Variants in RNF19B observed in about 807,000 individuals in gnomAD.
RNF19B encodes E3 ubiquitin-protein ligase RNF19B.
RNF19B carries 23 observed loss-of-function variants against 65.5 expected under a neutral mutation model. That is an observed-to-expected ratio of 0.35 (90% CI 0.25 to 0.50). The LOEUF (loss-of-function observed/expected upper bound fraction) is 0.50, where lower values mean the gene tolerates loss of function less well. Among genes scored for constraint, RNF19B ranks in the 20% least tolerant of loss-of-function variants. RNF19B has a pLI of 0.98. For missense variants in RNF19B, 794 were observed against 980.0 expected (o/e 0.81, Z 2.53); for synonymous variants, 372 against 379.6 (o/e 0.98, Z 0.23).
chr1:32,932,043 A>G (rs535423663), downstream of RNF19B, among the ~76,000 whole-genome samples: 1 of 152,358 alleles, frequency 6.6e-6, no homozygotes, highest in East Asian at 1.9e-4. Context: ...AGGATTCAGT[A>G]ACTGCAGGAA....
At position 32,942,464 on chromosome 1, in the gene RNF19B, G is replaced by A. The variant is rs1289911795; in HGVS notation, c.1403-5C>T. 6.2e-7 allele frequency: 1 copy of A among 1,611,928 alleles called. No homozygotes were observed. Among genetic ancestry groups the A allele is most frequent in the Admixed American group, 1.7e-5 (1 of 59,934 alleles). On this transcript the variant is annotated splice_polypyrimidine_tract_variant and splice_region_variant and intron_variant, in intron 6 of 8. Transcript: ENST00000235150. ...GGGCTCTCCAGGCATCTGCCACTGG[G>A]GATAGAACCAAACATCCAATTCAAG...
At chr1:32,951,062 C>T (rs181881144) in intron 1 of RNF19B, among the ~76,000 whole-genome samples, 1 of 151,950 alleles carries the variant, frequency 6.6e-6, no homozygotes, top group East Asian at 1.9e-4. Context: ...TGGTCTCGAT[C>T]TCTTGACCTT....
chr1:32,950,599 A>T (rs1642470277), intron 1 of RNF19B, among the ~76,000 whole-genome samples: 1 of 151,636 alleles, frequency 6.6e-6, no homozygotes, highest in Non-Finnish European at 1.5e-5. Flanking sequence ...CCAGGGTGGA[A>T]TGCAGTGGCT....
intron 1 of RNF19B, among the ~76,000 whole-genome samples, chr1:32,953,700 C>A (rs532754235): frequency 1.3e-5 from 2 of 151,940 alleles, no homozygotes; most frequent in Non-Finnish European, 2.9e-5. Context: ...AGATAAACAA[C>A]GTGTCTCCTC....
At chr1:32,944,634 A>G (rs1391657003) in intron 5 of RNF19B, among the ~76,000 whole-genome samples, 2 of 152,126 alleles carry the variant, frequency 1.3e-5, no homozygotes, top group Admixed American at 6.5e-5. Flanking sequence ...CAGGATCTGA[A>G]GGCAGATTAA....
intron 2 of RNF19B, among the ~76,000 whole-genome samples, chr1:32,948,761 C>T (rs2124146828): frequency 6.6e-6 from 1 of 152,238 alleles, no homozygotes; most frequent in East Asian, 1.9e-4. Flanking sequence ...TTTTTAAAAA[C>T]TTTAGTTTGG....
chr1:32,964,588 A>G lies in RNF19B; in HGVS notation c.98T>C (p.Leu33Pro), dbSNP rs1642862138. 1.4e-6 allele frequency: 2 copies of G among 1,442,378 alleles called. No individual in the cohort carries two copies. The highest frequency in any genetic ancestry group is 1.3e-5 in the South Asian group (1 of 76,730). 89.3% of individuals were successfully genotyped at this position (1,442,378 alleles called of 1,614,324 possible). The stretch of plus-strand genomic sequence containing the variant: ...GGCAGAGAAGACGCTGTGCAAGGTG[A>G]GGCGCCGGCGCCGGCCGCCGCTGCG... ...KCRSGGRRRR[L>P]TLHSVFSASA... Residue 33 changes from leucine to proline, a missense_variant, in exon 1 of 9, where the codon CTC becomes CCC. Transcript: ENST00000235150. The surrounding 1 kb of genome is among the most constrained non-coding windows in gnomAD (Gnocchi z 6.5).
At chr1:32,963,733 A>G (rs1642827842) in intron 1 of RNF19B, among the ~76,000 whole-genome samples, 1 of 148,674 alleles carries the variant, frequency 6.7e-6, no homozygotes, top group African/African-American at 2.6e-5. Flanking sequence ...AAAAAAAGAA[A>G]AAAAAAAAAA....
chr1:32,953,329 C>T (rs1307387249), intron 1 of RNF19B, among the ~76,000 whole-genome samples: 1 of 152,008 alleles, frequency 6.6e-6, no homozygotes, highest in African/African-American at 2.4e-5. Flanking sequence ...TTGCCATCTG[C>T]ACTCTGTCCT....
Position 32,946,107 on chromosome 1 carries a change from C to A in RNF19B, c.1146+295G>T, listed in dbSNP as rs575341280. Among the ~76,000 whole-genome samples the A allele has an allele frequency of 2.6e-5, 4 of 152,290 alleles. No individual in the cohort carries two copies. The South Asian group carries it at 8.3e-4, about 32-fold the overall frequency. On this transcript the variant is annotated intron_variant, in intron 4 of 8. Transcript: ENST00000235150. Reference sequence around the variant, plus strand: ...TCTCAAACACCTGGGCTCAACTGATCTACCTGCCTTGGCTTCCCAAAGTGC... The same window carrying A: ...TCTCAAACACCTGGGCTCAACTGATATACCTGCCTTGGCTTCCCAAAGTGC...
At chr1:32,956,929 T>C (rs1391856273) in intron 1 of RNF19B, among the ~76,000 whole-genome samples, 2 of 152,138 alleles carry the variant, frequency 1.3e-5, no homozygotes, top group Non-Finnish European at 2.9e-5. Flanking sequence ...CAATGAACTG[T>C]ACCCTTAACA....
rs1435572124 is a variant in RNF19B, at chr1:32,936,685, T to C, written c.*121A>G. 4 of 1,003,108 alleles carry C rather than the reference T, an allele frequency of 4.0e-6. No individual in the cohort carries two copies. The highest frequency in any genetic ancestry group is 3.6e-5 in the Admixed American group (1 of 27,800). 62.1% of individuals were successfully genotyped at this position (1,003,108 alleles called of 1,614,324 possible). ...CTCAGAATTTCCCTGGGCAAAAACC[T>C]GTGACCAGAGAATCTGTGAAATAAA... is the stretch of plus-strand genomic sequence containing the variant. On this transcript the variant is annotated 3_prime_UTR_variant, in exon 9 of 9. Coordinates refer to ENST00000235150, the MANE Select transcript of RNF19B (RefSeq NM_001300826.2).
At position 32,942,449 on chromosome 1, in the gene RNF19B, G is replaced by T. The variant is rs371969355; in HGVS notation, c.1413C>A (p.Ala471=). The change falls in exon 7 of 9, where the codon GCC becomes GCA. Residue 471 remains alanine, a synonymous_variant. Transcript: ENST00000235150. ...TGCTGGGATTCTTGAGGGCTCTCCAGGCATCTGCCACTGGGGATAGAACCA... is the reference window on the plus strand; with the variant it reads ...TGCTGGGATTCTTGAGGGCTCTCCATGCATCTGCCACTGGGGATAGAACCA... ...EDDGPITVAD[A]WRALKNPSIG... is the part of the protein sequence containing the mutation. 2 of 1,613,738 alleles carry T rather than the reference G, an allele frequency of 1.2e-6. No individual in the cohort carries two copies. The highest frequency in any genetic ancestry group is 2.7e-5 in the African/African-American group (2 of 74,922).
intron 1 of RNF19B, among the ~76,000 whole-genome samples, chr1:32,950,129 C>T (rs932311390): frequency 1.3e-5 from 2 of 152,092 alleles, no homozygotes; most frequent in African/African-American, 2.4e-5. Context: ...GCCACCACGC[C>T]TGGCTAATTT....
intron 7 of RNF19B, 74 bp from the exon 8 acceptor site, chr1:32,938,602 C>T: frequency 1.4e-6 from 2 of 1,470,158 alleles, no homozygotes; most frequent in South Asian, 2.5e-5. Flanking sequence ...TGGCACACAT[C>T]TCTTCCATTA....
chr1:32,949,611 T>C lies in RNF19B; in HGVS notation c.799A>G (p.Lys267Glu), dbSNP rs1331387809. ...QRAQTLRVRT[K>E]HTSGLSYGQE... ...CCATAACTGAGACCTGAAGTGTGTT[T>C]GGTCCGAACTCGTAAAGTCTGGGCC... The change falls in exon 2 of 9, where the codon AAA becomes GAA. Residue 267 changes from lysine to glutamate, a missense_variant. Lys to Glu is a moderately conservative substitution (Grantham distance 56, BLOSUM62 1). Around this residue, in one of 3 missense-constraint regions of RNF19B, gnomAD observed 374 missense variants for 423.8 expected, o/e 0.88. Transcript: ENST00000235150. 6.2e-7 allele frequency: 1 copy of C among 1,613,920 alleles called. No homozygotes were observed. The highest frequency in any genetic ancestry group is 8.5e-7 in the Non-Finnish European group (1 of 1,180,028).
rs956750839 is a variant in RNF19B, at chr1:32,964,709, G to A, written c.-24C>T. On this transcript the variant is annotated 5_prime_UTR_variant, in exon 1 of 9. Coordinates refer to ENST00000235150, the MANE Select transcript of RNF19B (RefSeq NM_001300826.2). This position sits in a 1 kb window ranked among gnomAD's most constrained non-coding sequence, Gnocchi z 6.5. ...ATGGCCGGCAGAGGCCGAGGAGCCA[G>A]GGGCGCCCAGCGCCGCCACAGCTCC... 1 of 1,417,112 alleles carries A rather than the reference G, an allele frequency of 7.1e-7. No homozygotes were observed. Among genetic ancestry groups the A allele is most frequent in the South Asian group, 1.4e-5 (1 of 71,418 alleles). The allele number at this position is 1,417,112 out of a possible 1,614,324, so 87.8% of individuals were successfully genotyped here. A position where few individuals can be genotyped will look rare whatever the true frequency, so the allele number is the denominator to read the frequency against.
chr1:32,938,071 C>A (rs994594794), intron 8 of RNF19B, among the ~76,000 whole-genome samples: 1 of 126,252 alleles, frequency 7.9e-6, no homozygotes, highest in African/African-American at 3.0e-5. Context: ...GACTTGAAGA[C>A]ATCAATGAAC....
At position 32,937,014 on chromosome 1, in the gene RNF19B, C is replaced by T. The variant is rs373889408; in HGVS notation, c.1988G>A (p.Arg663His). Residue 663 changes from arginine to histidine, a missense_variant, in exon 9 of 9, where the codon CGC (arginine) becomes CAC (histidine). By Grantham distance (29) the Arg-to-His change is conservative. Transcript: ENST00000235150. ...TGCATCAGAACTCTCTAGGTCACTG[C>T]GGATGCTTTCAGGCTGGGCCAGGCT... ...DISLAQPESI[R>H]SDLESSDAQS... The T allele has an allele frequency of 1.7e-5, 27 of 1,614,134 alleles. No homozygotes were observed. The highest frequency in any genetic ancestry group is 4.0e-5 in the African/African-American group (3 of 75,020).
Sources: allele counts gnomAD v4.1 joint callset (sites outside exome capture counted in the v4.1 genomes callset), GRCh38; gene constraint gnomAD v4.1.1; regional missense constraint gnomAD v4.1.1; non-coding constraint Gnocchi (gnomAD v3.1); transcripts MANE v1.5; gene names NCBI Gene and HGNC (gene_info 2026-07-23, HGNC 2026-07-21).